The following C14orf132 variants were observed in gnomAD, a reference collection of about 807,000 sequenced individuals.
C14orf132 encodes the protein chromosome 14 open reading frame 132.
In C14orf132, 6 loss-of-function variants were observed where a neutral mutation model predicts 5.8. That is an observed-to-expected ratio of 1.03 (90% CI 0.57 to 2.04). C14orf132 has a LOEUF of 2.04. C14orf132 is among the 30% of genes most tolerant of loss of function. C14orf132 has a pLI of 0.00. For synonymous variants in C14orf132, 51 were observed against 49.8 expected (o/e 1.02, Z -0.10); for missense variants, 125 against 115.8 (o/e 1.08, Z -0.37).
At position 96,087,225 on chromosome 14, in the gene C14orf132, G is replaced by C. The variant is rs1219197658; in HGVS notation, c.*490G>C. On this transcript the variant is annotated 3_prime_UTR_variant, in exon 2 of 2. Transcript: ENST00000555004. ...ATTCAGTCCCTTGGCCATCTAGTAG[G>C]GCCATTGGATGTTCCTAGTTTGACT... The C allele has an allele frequency of 1.9e-5, 3 of 157,762 alleles. No individual in the cohort carries two copies. Among genetic ancestry groups the C allele is most frequent in the African/African-American group, 7.3e-5 (3 of 41,186 alleles). 9.8% of individuals were successfully genotyped at this position (157,762 alleles called of 1,614,324 possible). A position where few individuals can be genotyped will look rare whatever the true frequency, so the allele number is the denominator to read the frequency against.
Position 96,090,452 on chromosome 14 carries a change from G to A in C14orf132, c.*3717G>A. On this transcript the variant is annotated 3_prime_UTR_variant, in exon 2 of 2. Transcript: ENST00000555004. ...AACTTACTGCTTTGTGAGGTTGTGAGTGGCCACCACTGAAGGTCTTTGAGA... is the reference window on the plus strand; with the variant it reads ...AACTTACTGCTTTGTGAGGTTGTGAATGGCCACCACTGAAGGTCTTTGAGA... 3.0e-6 allele frequency: 1 copy of A among 336,240 alleles called. No homozygotes were observed. The highest frequency in any genetic ancestry group is 5.8e-6 in the Non-Finnish European group (1 of 171,240). The allele number at this position is 336,240 out of a possible 1,614,324, so 20.8% of individuals were successfully genotyped here. A position where few individuals can be genotyped will look rare whatever the true frequency, so the allele number is the denominator to read the frequency against.
rs200745533 is a variant in C14orf132, at chr14:96,051,912, G to A, written c.27+12385G>A. On this transcript the variant is annotated intron_variant, in intron 1 of 1. Coordinates refer to ENST00000555004, the MANE Select transcript of C14orf132 (RefSeq NM_001252507.3). ...CATACAGACCATCATTCCTAGGCAC[G>A]AAGACCTGTGAGGCAGGAGCCCCGC... 5.9e-5 allele frequency among the ~76,000 whole-genome samples: 9 copies of A among 152,238 alleles called. No homozygotes were observed. In the East Asian group the frequency reaches 9.6e-4, roughly 16 times the overall value.
intron 1 of C14orf132, among the ~76,000 whole-genome samples, chr14:96,052,071 G>A (rs1157688193): frequency 6.6e-6 from 1 of 152,272 alleles, no homozygotes; most frequent in African/African-American, 2.4e-5. Flanking sequence ...CCGAGGCTCA[G>A]AGAGCTTTGG....
rs1218744083 is a variant in C14orf132 at position 96,090,891 on chromosome 14, G to A, written c.*4156G>A. The stretch of plus-strand genomic sequence containing the variant: ...CTGCCTGATCCCTGCAAGACAAATG[G>A]CACTTTCCTTCTTCAGAAGCATCAT... On this transcript the variant is annotated 3_prime_UTR_variant, in exon 2 of 2. Transcript: ENST00000555004. 4.4e-6 allele frequency: 2 copies of A among 455,974 alleles called. No individual in the cohort carries two copies. The highest frequency in any genetic ancestry group is 2.0e-5 in the African/African-American group (1 of 50,088). 28.2% of individuals were successfully genotyped at this position (455,974 alleles called of 1,614,324 possible). A position where few individuals can be genotyped will look rare whatever the true frequency, so the allele number is the denominator to read the frequency against.
intron 1 of C14orf132, among the ~76,000 whole-genome samples, chr14:96,083,102 CCT>C (rs1888077657): frequency 6.6e-6 from 1 of 152,226 alleles, no homozygotes; most frequent in Non-Finnish European, 1.5e-5. Flanking sequence ...CCCCATGAGG[CCT>C]GTCCCACGGC....
At chr14:96,073,731 A>G (rs185037957) in intron 1 of C14orf132, among the ~76,000 whole-genome samples, 13 of 152,328 alleles carry the variant, frequency 8.5e-5, no homozygotes, top group African/African-American at 2.6e-4. Context: ...AAAAAGATAC[A>G]TGCATGTGTA....
At chr14:96,085,744 T>C (rs1888161732) in intron 1 of C14orf132, among the ~76,000 whole-genome samples, 1 of 152,206 alleles carries the variant, frequency 6.6e-6, no homozygotes. Context: ...ATGATGCATG[T>C]ACATGCTAAT....
chr14:96,056,492 CTT>C (rs909376013), intron 1 of C14orf132, among the ~76,000 whole-genome samples: 35 of 152,318 alleles, frequency 2.3e-4, no homozygotes, highest in Admixed American at 8.5e-4. Flanking sequence ...ATCAGACTGA[CTT>C]AGGTTTGAAT....
At chr14:96,059,235 T>C (rs927389451) in intron 1 of C14orf132, among the ~76,000 whole-genome samples, 12 of 152,280 alleles carry the variant, frequency 7.9e-5, no homozygotes, top group African/African-American at 2.9e-4. Context: ...CAGGGAGCCA[T>C]GATTGCAGCA....
chr14:96,083,538 C>T (rs1020393998), intron 1 of C14orf132, among the ~76,000 whole-genome samples: 3 of 152,056 alleles, frequency 2.0e-5, no homozygotes, highest in Non-Finnish European at 2.9e-5. Flanking sequence ...CTTATAAGAG[C>T]GAGGCTGGAA....
At chr14:96,072,197 G>GA (rs1447754361) in intron 1 of C14orf132, among the ~76,000 whole-genome samples, 1 of 152,204 alleles carries the variant, frequency 6.6e-6, no homozygotes, top group African/African-American at 2.4e-5. Flanking sequence ...CAGGCCTGTC[G>GA]AAACACCACA....
intron 1 of C14orf132, among the ~76,000 whole-genome samples, chr14:96,055,832 G>T (rs192228186): frequency 6.6e-6 from 1 of 152,072 alleles, no homozygotes; most frequent in African/African-American, 2.4e-5. Context: ...ATCCCTCCCC[G>T]ACTTAGTCCT....
At chr14:96,048,664 T>C (rs1240473747) in intron 1 of C14orf132, among the ~76,000 whole-genome samples, 1 of 152,100 alleles carries the variant, frequency 6.6e-6, no homozygotes, top group Non-Finnish European at 1.5e-5. Flanking sequence ...TAGACGGGAT[T>C]ACAGGTGCAT....
Position 96,090,500 on chromosome 14 carries a change from CA to C in C14orf132, c.*3766del, listed in dbSNP as rs1888357824. 7.2e-6 allele frequency: 3 copies of C among 414,548 alleles called. No individual in the cohort carries two copies. In the Admixed American group the frequency reaches 7.8e-5, roughly 11 times the overall value. The allele number at this position is 414,548 out of a possible 1,614,324, so 25.7% of individuals were successfully genotyped here. ...AGAAGAGGCCAGACGCCGCTGTAGC[CA>C]GGCCTGTCTTAAGAGGACTTGTGCT... On this transcript the variant is annotated 3_prime_UTR_variant, in exon 2 of 2. Coordinates refer to ENST00000555004, the MANE Select transcript of C14orf132 (RefSeq NM_001252507.3).
intron 1 of C14orf132, among the ~76,000 whole-genome samples, chr14:96,058,814 G>C (rs752768819): frequency 2.9e-4 from 44 of 152,232 alleles, no homozygotes; most frequent in Non-Finnish European, 5.3e-4. Context: ...CACTGGCAGG[G>C]CTGGGAACAG....
At chr14:96,066,336 G>A (rs956172331) in intron 1 of C14orf132, among the ~76,000 whole-genome samples, 1 of 152,202 alleles carries the variant, frequency 6.6e-6, no homozygotes, top group Non-Finnish European at 1.5e-5. Flanking sequence ...GCTGTGCTCT[G>A]ATGAGACAGC....
chr14:96,061,901 C>A (rs1207014754), intron 1 of C14orf132, among the ~76,000 whole-genome samples: 2 of 151,992 alleles, frequency 1.3e-5, no homozygotes, highest in African/African-American at 4.8e-5. Flanking sequence ...AGAGTAAGAC[C>A]CTCTCTCTAA....
At position 96,086,987 on chromosome 14, in the gene C14orf132, G is replaced by T; in HGVS notation, c.*252G>T. ...GGGCAAGGCCTTCAGAGGGCAGATT[G>T]GGGATCCTTGAAACTACATTCCAGG... On this transcript the variant is annotated 3_prime_UTR_variant, in exon 2 of 2. Transcript: ENST00000555004. 1.9e-6 allele frequency: 1 copy of T among 538,836 alleles called. No individual in the cohort carries two copies. The highest frequency in any genetic ancestry group is 3.3e-6 in the Non-Finnish European group (1 of 302,876). 33.4% of individuals were successfully genotyped at this position (538,836 alleles called of 1,614,324 possible).
At chr14:96,067,112 C>T (rs138234886) in intron 1 of C14orf132, among the ~76,000 whole-genome samples, 121 of 152,344 alleles carry the variant, frequency 7.9e-4, no homozygotes, top group African/African-American at 2.8e-3. Context: ...AGATACTGCT[C>T]TTCCTTGCCC....
Sources: gnomAD v4.1 joint callset for allele counts (sites outside exome capture counted in the v4.1 genomes callset) on GRCh38, gnomAD v4.1.1 for gene constraint, MANE v1.5 for transcripts, NCBI Gene and HGNC (gene_info 2026-07-23, HGNC 2026-07-21) for gene names.